The following AFF3 variants were observed in gnomAD, a reference collection of about 807,000 sequenced individuals.
AFF3 encodes the protein AF4/FMR2 family member 3.
A neutral mutation model predicts 129.7 loss-of-function variants in AFF3; 32 were observed. That is an observed-to-expected ratio of 0.25 (90% CI 0.19 to 0.33). The LOEUF is 0.33. Ranked by LOEUF, AFF3 falls within the 10% of genes least tolerant of loss-of-function variation. The pLI, the probability that AFF3 is intolerant of heterozygous loss-of-function variation, is 1.00. For synonymous variants in AFF3, 644 were observed against 635.4 expected (o/e 1.01, Z -0.20); for missense variants, 1,373 against 1,592.0 (o/e 0.86, Z 2.34).
intron 8 of AFF3, among the ~76,000 whole-genome samples, chr2:99,763,869 A>C (rs978854948): frequency 1.3e-5 from 2 of 152,174 alleles, no homozygotes; most frequent in Admixed American, 1.3e-4. Flanking sequence ...GGAGCTGTAC[A>C]CGTGTTTTCT....
At chr2:100,106,528 A>G (rs1454546652) in intron 2 of AFF3, 20 of 999,280 alleles carry the variant, frequency 2.0e-5, no homozygotes, top group Non-Finnish European at 2.3e-5. Context: ...AGATCGAGAC[A>G]TTGAGACAGC....
chr2:99,626,308 G>GCCTC (rs1024098836), intron 13 of AFF3, among the ~76,000 whole-genome samples: 1 of 134,664 alleles, frequency 7.4e-6, no homozygotes, highest in East Asian at 2.0e-4. Flanking sequence ...TGGAAAGTCT[G>GCCTC]CCTCCCTCCC....
At chr2:99,643,471 G>A (rs76291867) in intron 13 of AFF3, among the ~76,000 whole-genome samples, 1 of 152,150 alleles carries the variant, frequency 6.6e-6, no homozygotes, top group Non-Finnish European at 1.5e-5. Flanking sequence ...CATCTTCATG[G>A]AACCTTAACA....
chr2:99,688,505 T>C (rs1328506632), intron 11 of AFF3, among the ~76,000 whole-genome samples: 3 of 152,266 alleles, frequency 2.0e-5, no homozygotes, highest in African/African-American at 7.2e-5. Context: ...CCAAATCAAA[T>C]GGACACCTTG....
chr2:99,917,871 AG>A (rs1695579961), intron 7 of AFF3, among the ~76,000 whole-genome samples: 1 of 152,192 alleles, frequency 6.6e-6, no homozygotes, highest in South Asian at 2.1e-4. Context: ...CCCTGCGAAC[AG>A]TGCGCAAAAA....
At chr2:100,114,637 C>T (rs1433465752) in intron 2 of AFF3, among the ~76,000 whole-genome samples, 1 of 152,162 alleles carries the variant, frequency 6.6e-6, no homozygotes, top group Non-Finnish European at 1.5e-5. Flanking sequence ...CCACCTTGGC[C>T]TCCCAAAGTG....
In AFF3 at chr2:99,587,286, G is replaced by A. The variant is rs1678215061; in HGVS notation, c.2467-8C>T. On this transcript the variant is annotated splice_region_variant and splice_polypyrimidine_tract_variant and intron_variant, in intron 15 of 24. Transcript: ENST00000672756. ...GTCGTCTTCGTTGTCACACTGTATG[G>A]GAATAAACTAAAGTCAATCAGCACT... 7 of 1,613,864 alleles carry A rather than the reference G, an allele frequency of 4.3e-6. No homozygotes were observed. The highest frequency in any genetic ancestry group is 5.9e-6 in the Non-Finnish European group (7 of 1,179,912).
At chr2:100,128,217 ATTCGT>A (rs1184028177) in intron 2 of AFF3, among the ~76,000 whole-genome samples, 1 of 152,154 alleles carries the variant, frequency 6.6e-6, no homozygotes, top group Non-Finnish European at 1.5e-5. Context: ...TGGAGTAGCC[ATTCGT>A]TTATTCCTTC....
chr2:99,896,620 CTTTT>C (rs35573862), intron 7 of AFF3, among the ~76,000 whole-genome samples: 168 of 35,966 alleles, frequency 4.7e-3, no homozygotes, highest in African/African-American at 0.014. Flanking sequence ...TGTCAAAATG[CTTTT>C]TTTTTTTTTT....
At chr2:99,667,914 T>TG (rs1209549153) in intron 12 of AFF3, among the ~76,000 whole-genome samples, 15 of 151,982 alleles carry the variant, frequency 9.9e-5, no homozygotes, top group African/African-American at 3.6e-4. Context: ...CCCAGCACTT[T>TG]GGGAGGCCGA....
chr2:99,808,886 GT>G (rs1168487781), intron 8 of AFF3, among the ~76,000 whole-genome samples: 1 of 152,180 alleles, frequency 6.6e-6, no homozygotes, highest in Non-Finnish European at 1.5e-5. Context: ...ACAATCATGT[GT>G]TTTTGTTAGT....
intron 2 of AFF3, among the ~76,000 whole-genome samples, chr2:100,126,262 T>G (rs1371896972): frequency 6.6e-6 from 1 of 152,146 alleles, no homozygotes; most frequent in Non-Finnish European, 1.5e-5. Context: ...TCAGGACAAT[T>G]TAGGCATTGA....
chr2:99,697,179 T>C (rs1676371308), intron 11 of AFF3, among the ~76,000 whole-genome samples: 1 of 152,230 alleles, frequency 6.6e-6, no homozygotes, highest in South Asian at 2.1e-4. Flanking sequence ...AGGAGAAAGC[T>C]GGCGAGGGCG....
rs888061178 is a variant in AFF3 at position 99,798,480 on chromosome 2, T to C, written c.921+38997A>G. 2.0e-5 allele frequency among the ~76,000 whole-genome samples: 3 copies of C among 151,872 alleles called. No individual in the cohort carries two copies. The South Asian group carries it at 6.2e-4, about 31-fold the overall frequency. ...TCAGATAAATAATAAATAATATATG[T>C]AAACACTATAAAATCCCAGTTAAAA... On this transcript the variant is annotated intron_variant, in intron 8 of 24. Transcript: ENST00000672756.
intron 4 of AFF3, among the ~76,000 whole-genome samples, chr2:100,049,325 T>G (rs1686096537): frequency 1.3e-5 from 2 of 152,180 alleles, no homozygotes; most frequent in Non-Finnish European, 2.9e-5. Flanking sequence ...CAATTGGAAC[T>G]GGGGGACATT....
At chr2:99,980,347 T>G (rs1179023490) in intron 7 of AFF3, among the ~76,000 whole-genome samples, 2 of 152,132 alleles carry the variant, frequency 1.3e-5, no homozygotes, top group Admixed American at 6.5e-5. Context: ...TTCCTCTAAG[T>G]GCAGACAGAA....
At chr2:99,982,162 C>T (rs1222755314) in intron 7 of AFF3, among the ~76,000 whole-genome samples, 2 of 152,150 alleles carry the variant, frequency 1.3e-5, no homozygotes, top group African/African-American at 4.8e-5. Context: ...TATGGTTTGG[C>T]TGTGTCCCCA....
At chr2:100,092,478 C>T (rs1034154923) in intron 4 of AFF3, among the ~76,000 whole-genome samples, 1 of 152,148 alleles carries the variant, frequency 6.6e-6, no homozygotes, top group South Asian at 2.1e-4. Context: ...AAAATGCAAA[C>T]GTGACCATTT....
At chr2:100,102,233 T>C (rs936296863) in intron 4 of AFF3, among the ~76,000 whole-genome samples, 5 of 149,656 alleles carry the variant, frequency 3.3e-5, no homozygotes, top group Non-Finnish European at 7.4e-5. Context: ...CAAAAATTCA[T>C]CTGTGAGAAA....
Sources: gnomAD v4.1 joint callset for allele counts (sites outside exome capture counted in the v4.1 genomes callset) on GRCh38, gnomAD v4.1.1 for gene constraint, MANE v1.5 for transcripts, NCBI Gene and HGNC (gene_info 2026-07-23, HGNC 2026-07-21) for gene names.